Variants in QPCT observed in about 807,000 individuals in gnomAD.
QPCT encodes the protein glutaminyl-peptide cyclotransferase, also known as EC.
In QPCT, 44 loss-of-function variants were observed where a neutral mutation model predicts 43.4. The observed-to-expected ratio is 1.01, with a 90% CI of 0.80 to 1.30. The LOEUF is 1.30. Among genes scored for constraint, QPCT ranks in the 50% most tolerant of loss-of-function variants. The pLI is 0.00. For synonymous variants in QPCT, 168 were observed against 168.4 expected, an observed-to-expected ratio of 1.00 and a Z score of 0.02; for missense variants, 526 against 436.5, an observed-to-expected ratio of 1.21 and a Z score of -1.83.
intron 1 of QPCT, among the ~76,000 whole-genome samples, chr2:37,352,246 G>A (rs1672637278): frequency 6.6e-6 from 1 of 152,054 alleles, no homozygotes; most frequent in African/African-American, 2.4e-5. Flanking sequence ...CTTAATTTGT[G>A]GCTCATCTAT....
chr2:37,347,168 T>TATATATATATAA (rs1672512056), intron 1 of QPCT, among the ~76,000 whole-genome samples: 1 of 52,824 alleles, frequency 1.9e-5, no homozygotes, highest in Non-Finnish European at 3.1e-5. Context: ...ATATATAACA[T>TATATATATATAA]ATATATATAT....
intron 3 of QPCT, among the ~76,000 whole-genome samples, chr2:37,365,192 C>T (rs72864889): frequency 0.086 from 13,086 of 151,872 alleles, 1,644 homozygotes; most frequent in African/African-American, 0.28. Flanking sequence ...AGAAGAGAAC[C>T]ATGGAGCAAG....
Position 37,372,397 on chromosome 2 carries a change from T to TA in QPCT, c.865_866insA (p.Leu289TyrfsTer18). ...ATTGGGTTTGCTCAAGGATCACTCTTTGGAGGGGCGGTATTTCCAGAATTA... is the reference window on the plus strand; with the variant it reads ...ATTGGGTTTGCTCAAGGATCACTCTTATGGAGGGGCGGTATTTCCAGAATTA... On this transcript the variant is annotated frameshift_variant, in exon 6 of 7. Coordinates refer to ENST00000338415, the MANE Select transcript of QPCT (RefSeq NM_012413.4). LOFTEE classifies it high-confidence loss of function. 1.2e-6 allele frequency: 2 copies of TA among 1,614,162 alleles called. No individual in the cohort carries two copies. Among genetic ancestry groups the TA allele is most frequent in the Non-Finnish European group, 8.5e-7 (1 of 1,180,000 alleles).
At position 37,372,345 on chromosome 2, in the gene QPCT, G is replaced by A; in HGVS notation, c.824-11G>A. On this transcript the variant is annotated splice_polypyrimidine_tract_variant and intron_variant, in intron 5 of 6. Coordinates refer to ENST00000338415, the MANE Select transcript of QPCT (RefSeq NM_012413.4). ...ATAGTTGTTCATTTACTGTATAATT[G>A]TCATCTACAGAACATGAACTTCATG... 3.2e-6 allele frequency: 5 copies of A among 1,552,680 alleles called. No homozygotes were observed. The highest frequency in any genetic ancestry group is 4.4e-6 in the Non-Finnish European group (5 of 1,124,126).
intron 2 of QPCT, among the ~76,000 whole-genome samples, chr2:37,354,847 G>A (rs1672707870): frequency 6.6e-6 from 1 of 150,890 alleles, no homozygotes; most frequent in African/African-American, 2.4e-5. Context: ...CATACCATTT[G>A]CCCAGAGCGC....
chr2:37,346,116 C>G (rs34763736), intron 1 of QPCT, among the ~76,000 whole-genome samples: 2 of 151,918 alleles, frequency 1.3e-5, no homozygotes, highest in Non-Finnish European at 2.9e-5. Flanking sequence ...GGTAAATGCC[C>G]ACTCCCACCC....
At chr2:37,366,699 G>T (rs1007260125) in intron 3 of QPCT, among the ~76,000 whole-genome samples, 1 of 152,238 alleles carries the variant, frequency 6.6e-6, no homozygotes, top group African/African-American at 2.4e-5. Context: ...AAGAAATGGT[G>T]TTGGACGGAG....
At chr2:37,347,183 T>TATATATATAACATATATATATAAC (rs1558599442) in intron 1 of QPCT, among the ~76,000 whole-genome samples, 4 of 56,914 alleles carry the variant, frequency 7.0e-5, no homozygotes, top group Non-Finnish European at 1.2e-4. Context: ...ATATATAACA[T>TATATATATAACATATATATATAAC]ATATATATAA....
Position 37,359,659 on chromosome 2 carries a change from G to C in QPCT, c.347G>C (p.Gly116Ala). ...IDTFLSQTPY[G>A]YRSFSNIIST... ...ACCTTCTTGAGTCAGACACCCTATG[G>C]GTACCGGTCTTTCTCAAATATCATC... is the stretch of plus-strand genomic sequence containing the variant. The change falls in exon 3 of 7, where the codon GGG (glycine) becomes GCG (alanine). Residue 116 changes from glycine to alanine, a missense_variant. Gly to Ala is a moderately conservative substitution (Grantham distance 60, BLOSUM62 0). Coordinates refer to ENST00000338415, the MANE Select transcript of QPCT (RefSeq NM_012413.4). 1 of 1,614,030 alleles carries C rather than the reference G, an allele frequency of 6.2e-7. No individual in the cohort carries two copies. Among genetic ancestry groups the C allele is most frequent in the South Asian group, 1.1e-5 (1 of 91,088 alleles).
chr2:37,359,554 ATTTTTTGT>A lies in QPCT; in HGVS notation c.268-14_268-7del, dbSNP rs1558603892. ...ATGAAAGCCATTTCTTTAGATCTAA[ATTTTTTGT>A]TTTTTTGTTTTGATCAGCACATCAT... On this transcript the variant is annotated intron_variant, in intron 2 of 6. Transcript: ENST00000338415. 1 of 1,580,090 alleles carries A rather than the reference ATTTTTTGT, an allele frequency of 6.3e-7. No individual in the cohort carries two copies. Among genetic ancestry groups the A allele is most frequent in the Non-Finnish European group, 8.6e-7 (1 of 1,162,796 alleles).
In QPCT at chr2:37,372,714, T is replaced by G. The variant is rs139230874; in HGVS notation, c.973T>G (p.Phe325Val). 1,303 of 1,613,740 alleles carry G rather than the reference T, an allele frequency of 8.1e-4. No homozygotes were observed. The highest frequency in any genetic ancestry group is 1.1e-3 in the Non-Finnish European group (1,250 of 1,179,802). Residue 325 changes from phenylalanine to valine, a missense_variant, in exon 7 of 7, where the codon TTC becomes GTC. Transcript: ENST00000338415. ...AGTTCTGCATCTGATACCGTCTCCT[T>G]TCCCTGAAGTCTGGCACACCATGGA... ...VPVLHLIPSP[F>V]PEVWHTMDDN...
intron 1 of QPCT, 52 bp from the exon 2 acceptor site, chr2:37,352,737 T>G: frequency 6.3e-7 from 1 of 1,592,556 alleles, no homozygotes; most frequent in Non-Finnish European, 8.6e-7. Context: ...TGTCAGAGTC[T>G]TAAACATGTT....
At chr2:37,349,311 G>C (rs1444466340) in intron 1 of QPCT, among the ~76,000 whole-genome samples, 2 of 152,206 alleles carry the variant, frequency 1.3e-5, no homozygotes, top group African/African-American at 4.8e-5. Context: ...AGCATCAATA[G>C]GCCTGGCCTG....
chr2:37,357,000 C>T (rs929971099), intron 2 of QPCT, among the ~76,000 whole-genome samples: 24 of 139,190 alleles, frequency 1.7e-4, no homozygotes, highest in African/African-American at 6.3e-4. Context: ...AGTGAGACTC[C>T]GTCTCAAAAA....
intron 2 of QPCT, 28 bp downstream of exon 2, chr2:37,352,963 C>T: frequency 1.2e-6 from 2 of 1,601,512 alleles, no homozygotes; most frequent in Non-Finnish European, 1.7e-6. Context: ...AAACCTCAAG[C>T]TTGTGTGAAT....
At chr2:37,344,891 T>C (rs766203885) in intron 1 of QPCT, 40 bp downstream of exon 1, 19 of 1,510,930 alleles carry the variant, frequency 1.3e-5, no homozygotes, top group Non-Finnish European at 1.7e-5. Context: ...TGAGCGGCTC[T>C]GGTCCGATGC....
At chr2:37,355,390 A>T (rs1672720459) in intron 2 of QPCT, among the ~76,000 whole-genome samples, 1 of 152,028 alleles carries the variant, frequency 6.6e-6, no homozygotes. Flanking sequence ...AAAATGATTG[A>T]ACCTTTTTTT....
In QPCT at chr2:37,345,231, GGGGCCGCTA is replaced by G. The variant is rs531113539; in HGVS notation, c.120+384_120+392del. On this transcript the variant is annotated intron_variant, in intron 1 of 6. Transcript: ENST00000338415. ...TGGAGGGCAACGGGGCCGGCGCTCC[GGGGCCGCTA>G]GGGTGCGGGGTGCGCCTGGGGGTGT... 1.4e-3 allele frequency among the ~76,000 whole-genome samples: 209 copies of G among 152,340 alleles called. 3 individuals are homozygous for G. The East Asian group carries it at 0.025, about 18-fold the overall frequency.
Position 37,350,327 on chromosome 2 carries a change from G to C in QPCT, c.121-2462G>C, listed in dbSNP as rs538931273. Among the ~76,000 whole-genome samples the C allele has an allele frequency of 4.6e-5, 7 of 152,298 alleles. No homozygotes were observed. The East Asian group carries it at 1.3e-3, about 29-fold the overall frequency. On this transcript the variant is annotated intron_variant, in intron 1 of 6. Coordinates refer to ENST00000338415, the MANE Select transcript of QPCT (RefSeq NM_012413.4). The stretch of plus-strand genomic sequence containing the variant: ...AACCATGGAAGTCTTCTGACCTCTT[G>C]CCTCCATATTCTTCTTATCCCTTCG...
Sources: gnomAD v4.1 joint callset for allele counts (sites outside exome capture counted in the v4.1 genomes callset) on GRCh38, gnomAD v4.1.1 for gene constraint, MANE v1.5 for transcripts, NCBI Gene and HGNC (gene_info 2026-07-23, HGNC 2026-07-21) for gene names.